ANK3: variants seen among roughly 807,000 people sequenced by gnomAD.
The protein encoded by ANK3 is ankyrin 3, also known as ankyrin-3.
Under a neutral mutation model 370.9 loss-of-function variants are expected in ANK3, and 57 were observed. That is an observed-to-expected ratio of 0.15 (90% CI 0.12 to 0.19). ANK3 has a LOEUF of 0.19. ANK3 is among the 10% of genes least tolerant of loss of function. The pLI is 1.00. For synonymous variants in ANK3, 1,929 were observed against 1,946.3 expected (o/e 0.99, Z 0.23); for missense variants, 4,439 against 5,302.1 (o/e 0.84, Z 5.06).
chr10:60,705,929 C>T (rs896123102), intron 1 of ANK3, among the ~76,000 whole-genome samples: 1 of 150,484 alleles, frequency 6.6e-6, no homozygotes, highest in East Asian at 2.0e-4. Flanking sequence ...CTCAGATGAT[C>T]CTCCCACCTC....
At position 60,314,963 on chromosome 10, in the gene ANK3, G is replaced by A. The variant is rs140211106; in HGVS notation, c.115-35324C>T. Among the ~76,000 whole-genome samples the A allele has an allele frequency of 9.4e-3, 1,437 of 152,292 alleles. 14 individuals carry two copies. The highest frequency in any genetic ancestry group is 0.019 in the South Asian group (93 of 4,820). ...TTAAGTCTAAAGGTAAAGTTCTTAC[G>A]TTGGCTTAGACTTCTGATACCACAC... On this transcript the variant is annotated intron_variant, in intron 1 of 43. Coordinates refer to ENST00000280772, the MANE Select transcript of ANK3 (RefSeq NM_020987.5).
intron 1 of ANK3, among the ~76,000 whole-genome samples, chr10:60,363,513 G>A (rs2058948435): frequency 6.6e-6 from 1 of 152,296 alleles, no homozygotes; most frequent in Admixed American, 6.5e-5. Context: ...ATAGAATTGA[G>A]AATGTGCAAC....
intron 24 of ANK3, among the ~76,000 whole-genome samples, chr10:60,134,876 T>C (rs1042528739): frequency 2.6e-5 from 4 of 152,268 alleles, no homozygotes; most frequent in Admixed American, 2.6e-4. Flanking sequence ...AGTAGTGTTA[T>C]GAATACACTT....
chr10:60,044,474 G>T, intron 42 of ANK3: 1 of 383,248 alleles, frequency 2.6e-6, no homozygotes, highest in Non-Finnish European at 3.6e-6. Context: ...CTACTCCAGT[G>T]CAAGGGAAAA....
chr10:60,357,571 C>T (rs1340629987), intron 1 of ANK3, among the ~76,000 whole-genome samples: 1 of 115,204 alleles, frequency 8.7e-6, no homozygotes, highest in African/African-American at 3.0e-5. Flanking sequence ...TGAATAATCC[C>T]AGAGAAAACC....
At chr10:60,221,331 C>G (rs573769194) in intron 8 of ANK3, among the ~76,000 whole-genome samples, 3 of 152,290 alleles carry the variant, frequency 2.0e-5, no homozygotes, top group Admixed American at 2.0e-4. Flanking sequence ...CCTCCCACCT[C>G]AGTCTCCCAA....
At chr10:60,512,569 C>T (rs1021997975) in intron 2 of ANK3, among the ~76,000 whole-genome samples, 5 of 152,024 alleles carry the variant, frequency 3.3e-5, no homozygotes, top group Admixed American at 2.6e-4. Context: ...GCAAGGAAAA[C>T]GATTTTGCTG....
At chr10:60,429,519 A>T (rs1464724055) in intron 2 of ANK3, among the ~76,000 whole-genome samples, 1 of 152,204 alleles carries the variant, frequency 6.6e-6, no homozygotes, top group Non-Finnish European at 1.5e-5. Flanking sequence ...GAAAAATAAG[A>T]AGTGAGTATA....
At chr10:60,382,575 A>G (rs2061680633) in intron 1 of ANK3, among the ~76,000 whole-genome samples, 1 of 152,126 alleles carries the variant, frequency 6.6e-6, no homozygotes, top group Non-Finnish European at 1.5e-5. Context: ...AATAAGTACC[A>G]GAAAAAACTC....
At chr10:60,251,656 A>G (rs947538844) in intron 7 of ANK3, among the ~76,000 whole-genome samples, 1 of 152,216 alleles carries the variant, frequency 6.6e-6, no homozygotes, top group Admixed American at 6.5e-5. Flanking sequence ...GTAGAAGTGC[A>G]TCATACTAGG....
intron 16 of ANK3, among the ~76,000 whole-genome samples, chr10:60,195,261 G>T (rs1181713386): frequency 6.6e-6 from 1 of 152,032 alleles, no homozygotes. Flanking sequence ...GCAGGTGCCT[G>T]TAGTCCCAGC....
intron 28 of ANK3, 44 bp from the exon 29 acceptor site, chr10:60,088,402 CTA>C (rs775750115): frequency 8.6e-6 from 13 of 1,505,050 alleles, no homozygotes; most frequent in Middle Eastern, 1.8e-4. Flanking sequence ...ATAAGCATAT[CTA>C]CAACATACCT....
intron 1 of ANK3, among the ~76,000 whole-genome samples, chr10:60,303,876 ATGTGTG>A (rs71015783): frequency 0.11 from 15,817 of 147,514 alleles, 983 homozygotes; most frequent in Non-Finnish European, 0.15. Context: ...TGGTGTATAT[ATGTGTG>A]TGTGTGTGTG....
intron 1 of ANK3, among the ~76,000 whole-genome samples, chr10:60,315,105 T>C (rs1200925794): frequency 6.6e-6 from 1 of 152,156 alleles, no homozygotes; most frequent in Non-Finnish European, 1.5e-5. Flanking sequence ...TTTCCTAGTG[T>C]GGCTTAGCAC....
chr10:60,309,051 T>C (rs1052568019), intron 1 of ANK3, among the ~76,000 whole-genome samples: 1 of 152,154 alleles, frequency 6.6e-6, no homozygotes, highest in Admixed American at 6.5e-5. Flanking sequence ...TAGATGCAAA[T>C]GAGGCCAATA....
chr10:60,689,581 G>A (rs539169918), intron 1 of ANK3, among the ~76,000 whole-genome samples: 56 of 151,804 alleles, frequency 3.7e-4, no homozygotes, highest in African/African-American at 1.3e-3. Context: ...GCAAAACCCC[G>A]ACTCTACTAA....
chr10:60,198,770 C>G (rs2096626027), intron 13 of ANK3, among the ~76,000 whole-genome samples: 1 of 152,058 alleles, frequency 6.6e-6, no homozygotes, highest in Non-Finnish European at 1.5e-5. Flanking sequence ...CCATGAAATG[C>G]AGTTGTCTAT....
chr10:60,203,368 T>C (rs534494082), intron 11 of ANK3, among the ~76,000 whole-genome samples: 26 of 152,370 alleles, frequency 1.7e-4, no homozygotes, highest in African/African-American at 5.8e-4. Flanking sequence ...ATACTTTTAA[T>C]GTAGATCTTT....
At chr10:60,205,959 A>G in intron 10 of ANK3, 69 bp from the exon 11 acceptor site, 1 of 1,021,000 alleles carries the variant, frequency 9.8e-7, no homozygotes, top group Non-Finnish European at 1.5e-6. Flanking sequence ...TGTGTGCAGT[A>G]AATAGTTTTG....
Sources: gnomAD v4.1 joint callset for allele counts (sites outside exome capture counted in the v4.1 genomes callset) on GRCh38, gnomAD v4.1.1 for gene constraint, MANE v1.5 for transcripts, NCBI Gene and HGNC (gene_info 2026-07-23, HGNC 2026-07-21) for gene names.